SAMSN1: variants seen among roughly 807,000 people sequenced by gnomAD.
The protein encoded by SAMSN1 is SAM domain, SH3 domain and nuclear localization signals 1.
SAMSN1 carries 31 observed loss-of-function variants against 42.0 expected under a neutral mutation model. The ratio of observed to expected loss-of-function variants is 0.74; its 90% confidence interval spans 0.55 to 1.00. The LOEUF (loss-of-function observed/expected upper bound fraction) is 1.00. Ranked by LOEUF, SAMSN1 falls within the 50% of genes least tolerant of loss-of-function variation. The pLI is 0.00. For synonymous variants in SAMSN1, 178 were observed against 151.9 expected (o/e 1.17, Z -1.26); for missense variants, 464 against 439.4 (o/e 1.06, Z -0.50).
chr21:14,539,829 T>A (rs1220286173), intron 1 of SAMSN1, among the ~76,000 whole-genome samples: 1 of 152,130 alleles, frequency 6.6e-6, no homozygotes, highest in Non-Finnish European at 1.5e-5. Flanking sequence ...AGAGCCCGCA[T>A]CGCCAAGTCA....
intron 1 of SAMSN1, among the ~76,000 whole-genome samples, chr21:14,648,731 C>T (rs1199677694): frequency 1.3e-5 from 2 of 151,606 alleles, no homozygotes; most frequent in Admixed American, 6.6e-5. Context: ...TACCATCTCA[C>T]ACCAGTTAGA....
At chr21:14,651,908 A>G (rs911057626) in intron 1 of SAMSN1, among the ~76,000 whole-genome samples, 2 of 152,042 alleles carry the variant, frequency 1.3e-5, no homozygotes, top group Non-Finnish European at 2.9e-5. Flanking sequence ...ATTAAAAAGT[A>G]ATCCTATTTA....
rs1447293131 is a variant in SAMSN1, at chr21:14,546,266, A to G, written c.-5T>C. ...GGATGGCTTTCTCTTGAGCATTTTG[A>G]ATTCTGACTACTCCTAGTGAGTGCA... is the stretch of plus-strand genomic sequence containing the variant. On this transcript the variant is annotated 5_prime_UTR_variant, in exon 1 of 8. Transcript: ENST00000400566. The G allele has an allele frequency of 6.2e-7, 1 of 1,613,324 alleles. No homozygotes were observed. Among genetic ancestry groups the G allele is most frequent in the Non-Finnish European group, 8.5e-7 (1 of 1,179,658 alleles).
chr21:14,572,637 C>G (rs1038914502), intron 2 of SAMSN1, among the ~76,000 whole-genome samples: 1 of 152,140 alleles, frequency 6.6e-6, no homozygotes, highest in African/African-American at 2.4e-5. Context: ...TTGCCTAATT[C>G]ATAGAGCTAG....
intron 2 of SAMSN1, among the ~76,000 whole-genome samples, chr21:14,560,079 G>A (rs1243706069): frequency 6.6e-6 from 1 of 152,170 alleles, no homozygotes; most frequent in Non-Finnish European, 1.5e-5. Context: ...CAGAGAGTGA[G>A]AATCCAATGT....
At chr21:14,628,959 A>G (rs1471367069) in intron 2 of SAMSN1, among the ~76,000 whole-genome samples, 1 of 152,218 alleles carries the variant, frequency 6.6e-6, no homozygotes, top group African/African-American at 2.4e-5. Context: ...GGCACAGAGC[A>G]GTCAACATTC....
intron 7 of SAMSN1, chr21:14,591,440 G>GGGTACACCTCCTAGAAATA (rs1413318088): frequency 6.6e-6 from 1 of 152,142 alleles, no homozygotes; most frequent in Non-Finnish European, 1.5e-5. Flanking sequence ...ATAGTCATCT[G>GGGTACACCTCCTAGAAATA]TTTCTGTTCC....
At chr21:14,642,556 T>G (rs551774452) in intron 2 of SAMSN1, among the ~76,000 whole-genome samples, 3 of 152,328 alleles carry the variant, frequency 2.0e-5, no homozygotes, top group East Asian at 3.9e-4. Context: ...GTGGAGCATT[T>G]ACACTGTGGA....
intron 2 of SAMSN1, among the ~76,000 whole-genome samples, chr21:14,629,396 A>T (rs1412955657): frequency 6.6e-6 from 1 of 152,170 alleles, no homozygotes; most frequent in Non-Finnish European, 1.5e-5. Flanking sequence ...CAGTCTGTGC[A>T]TTAGAGAGCC....
At chr21:14,646,191 C>A (rs1480774606) in intron 1 of SAMSN1, among the ~76,000 whole-genome samples, 1 of 152,086 alleles carries the variant, frequency 6.6e-6, no homozygotes, top group Non-Finnish European at 1.5e-5. Context: ...GCAGATTTAA[C>A]CCTAGGAAGA....
intron 7 of SAMSN1, chr21:14,593,901 T>A (rs182779186): frequency 4.9e-6 from 3 of 617,748 alleles, no homozygotes; most frequent in Non-Finnish European, 9.0e-6. Flanking sequence ...ATGTGGCAGC[T>A]GAAAACAGAA....
At chr21:14,487,573 A>G (rs969588629) in intron 7 of SAMSN1, among the ~76,000 whole-genome samples, 3 of 152,144 alleles carry the variant, frequency 2.0e-5, no homozygotes, top group African/African-American at 4.8e-5. Flanking sequence ...GTTACTTAAA[A>G]TATCTCCTAA....
At chr21:14,498,650 C>G (rs1056579469) in intron 6 of SAMSN1, 58 bp from the exon 7 acceptor site, 2 of 1,381,640 alleles carry the variant, frequency 1.4e-6, no homozygotes, top group Non-Finnish European at 1.9e-6. Flanking sequence ...ATTTTTAGTT[C>G]TCTTTAGATT....
intron 2 of SAMSN1, among the ~76,000 whole-genome samples, chr21:14,581,210 A>C (rs1274321081): frequency 6.6e-6 from 1 of 152,026 alleles, no homozygotes; most frequent in Non-Finnish European, 1.5e-5. Context: ...AGCTAAAAGC[A>C]GGAGCTCTAG....
chr21:14,613,134 G>A (rs1421229486), intron 3 of SAMSN1, among the ~76,000 whole-genome samples: 1 of 152,082 alleles, frequency 6.6e-6, no homozygotes. Context: ...TGGAGAAACT[G>A]ATATTCATAA....
At chr21:14,551,361 C>A (rs1040216997) in intron 2 of SAMSN1, among the ~76,000 whole-genome samples, 29 of 151,966 alleles carry the variant, frequency 1.9e-4, no homozygotes, top group African/African-American at 5.8e-4. Context: ...GATAAAACTG[C>A]CTTGAAGAGA....
intron 1 of SAMSN1, among the ~76,000 whole-genome samples, chr21:14,537,466 T>C (rs1979702569): frequency 6.6e-6 from 1 of 152,226 alleles, no homozygotes; most frequent in South Asian, 2.1e-4. Context: ...CCAGCAAATA[T>C]GGTATCTTTT....
chr21:14,485,976 T>C lies in SAMSN1; in HGVS notation c.1058A>G (p.Asp353Gly). The C allele has an allele frequency of 6.2e-7, 1 of 1,613,802 alleles. No individual in the cohort carries two copies. Among genetic ancestry groups the C allele is most frequent in the African/African-American group, 1.3e-5 (1 of 75,026 alleles). ...GTCAGACAGATTTTCAGACTCCAGA[T>C]CCTCTTTGCCATTATCTGAATTTCC... ...SSGNSDNGKE[D>G]LESENLSDMV... The change falls in exon 8 of 8, where the codon GAT becomes GGT. Residue 353 changes from aspartate to glycine, a missense_variant. Coordinates refer to ENST00000400566, the MANE Select transcript of SAMSN1 (RefSeq NM_022136.5).
intron 2 of SAMSN1, among the ~76,000 whole-genome samples, chr21:14,638,888 T>C (rs1983529625): frequency 6.6e-6 from 1 of 152,212 alleles, no homozygotes; most frequent in South Asian, 2.1e-4. Flanking sequence ...AAGCTGACAA[T>C]TTTATCCGCT....
Sources: gnomAD v4.1 joint callset for allele counts (sites outside exome capture counted in the v4.1 genomes callset) on GRCh38, gnomAD v4.1.1 for gene constraint, MANE v1.5 for transcripts, NCBI Gene and HGNC (gene_info 2026-07-23, HGNC 2026-07-21) for gene names.